Variants in ZNF469 observed in about 807,000 individuals in gnomAD.
The protein encoded by ZNF469 is zinc finger protein 469.
ZNF469 carries 1 observed loss-of-function variant against 1.0 expected under a neutral mutation model. The ratio of observed to expected loss-of-function variants is 1.00; its 90% confidence interval spans 0.35 to 4.73. The LOEUF is 4.73. ZNF469 is among the 30% of genes most tolerant of loss of function. The pLI, the probability that ZNF469 is intolerant of heterozygous loss-of-function variation, is 0.16. For missense variants in ZNF469, 6,100 were observed against 5,356.3 expected (o/e 1.14, Z -4.33); for synonymous variants, 2,703 against 2,363.4 (o/e 1.14, Z -4.17).
chr16:88,128,501 C>T, the ZNF469 span, among the ~76,000 whole-genome samples: 1 of 152,198 alleles, frequency 6.6e-6, no homozygotes. Context: ...TGGTTCAGAA[C>T]ACTTTACACT....
the ZNF469 span, among the ~76,000 whole-genome samples, chr16:88,125,533 A>T: frequency 6.6e-6 from 1 of 152,386 alleles, no homozygotes; most frequent in South Asian, 2.1e-4. Flanking sequence ...AAGGGTTGCC[A>T]TCTTAACTCT....
chr16:88,201,742 C>T, the ZNF469 span, among the ~76,000 whole-genome samples: 7 of 152,172 alleles, frequency 4.6e-5, no homozygotes, highest in African/African-American at 1.7e-4. This position sits in a 1 kb window ranked among gnomAD's most constrained non-coding sequence, Gnocchi z 5.0. Flanking sequence ...TCCTTACATG[C>T]CAGTGCCTGG....
chr16:88,432,177 C>T lies in ZNF469; in HGVS notation c.4707C>T (p.Thr1569=), dbSNP rs764771501. 36 of 1,550,196 alleles carry T rather than the reference C, an allele frequency of 2.3e-5. No individual in the cohort carries two copies. Among genetic ancestry groups the T allele is most frequent in the South Asian group, 2.4e-5 (2 of 84,066 alleles). The change falls in exon 3 of 3, where the codon ACC becomes ACT. Residue 1569 remains threonine, a synonymous_variant. Transcript: ENST00000565624. ...AACTGGAGATCCAGAAATTGGTCAC[C>T]GAATTAGAAAGTCAGCTGCAAAGGA... is the stretch of plus-strand genomic sequence containing the variant. ...EDELEIQKLV[T]ELESQLQRSK...
At chr16:88,139,579 C>T in the ZNF469 span, among the ~76,000 whole-genome samples, 1 of 150,784 alleles carries the variant, frequency 6.6e-6, no homozygotes, top group South Asian at 2.1e-4. Context: ...ACCTTTTTGT[C>T]CCCTGGCCTG....
chr16:88,223,472 G>A, the ZNF469 span, among the ~76,000 whole-genome samples: 2 of 152,208 alleles, frequency 1.3e-5, no homozygotes, highest in Admixed American at 1.3e-4. Context: ...CAGAGAGGCT[G>A]AGTAAACACC....
At chr16:88,165,116 C>T in the ZNF469 span, among the ~76,000 whole-genome samples, 3 of 152,238 alleles carry the variant, frequency 2.0e-5, no homozygotes, top group Admixed American at 6.5e-5. Context: ...TGTGCTCAAA[C>T]CAGAGTGGCC....
the ZNF469 span, among the ~76,000 whole-genome samples, chr16:88,349,147 C>A: frequency 2.0e-5 from 3 of 152,298 alleles, no homozygotes; most frequent in South Asian, 6.2e-4. Context: ...GCCACTCGTC[C>A]CCCCTCACCA....
At chr16:88,112,059 G>A in the ZNF469 span, among the ~76,000 whole-genome samples, 44,956 of 152,120 alleles carry the variant, frequency 0.3, 8,587 homozygotes, top group Middle Eastern at 0.46. Context: ...CGTTGTGTAC[G>A]TGTCACATTT....
the ZNF469 span, among the ~76,000 whole-genome samples, chr16:88,197,728 G>A: frequency 6.6e-6 from 1 of 152,190 alleles, no homozygotes; most frequent in East Asian, 1.9e-4. Flanking sequence ...TCATTCGCAG[G>A]CCCCCCCAGG....
chr16:88,216,630 T>C, the ZNF469 span, among the ~76,000 whole-genome samples: 1 of 152,256 alleles, frequency 6.6e-6, no homozygotes, highest in Non-Finnish European at 1.5e-5. Context: ...ATATCTGGTT[T>C]TGGAAGTCTT....
At chr16:88,301,159 TTTC>T in the ZNF469 span, among the ~76,000 whole-genome samples, 1 of 99,128 alleles carries the variant, frequency 1.0e-5, no homozygotes, top group African/African-American at 2.8e-5. Context: ...TGGCCACACT[TTTC>T]TTTTTTTTTT....
At chr16:88,239,667 G>GTATATATATA in the ZNF469 span, among the ~76,000 whole-genome samples, 2 of 28,204 alleles carry the variant, frequency 7.1e-5, no homozygotes, top group Non-Finnish European at 1.5e-4. Context: ...TTTTTTTTTT[G>GTATATATATA]TATATATATA....
the ZNF469 span, among the ~76,000 whole-genome samples, chr16:88,330,061 G>A: frequency 1.3e-5 from 2 of 152,268 alleles, no homozygotes; most frequent in African/African-American, 2.4e-5. Flanking sequence ...GCCAGGCATA[G>A]GCAAAGCCTC....
At chr16:88,233,713 G>A in the ZNF469 span, among the ~76,000 whole-genome samples, 1 of 152,250 alleles carries the variant, frequency 6.6e-6, no homozygotes, top group Non-Finnish European at 1.5e-5. Flanking sequence ...GCCGTGATGG[G>A]CTGGCCTGGC....
chr16:88,241,256 G>A, the ZNF469 span, among the ~76,000 whole-genome samples: 2 of 151,990 alleles, frequency 1.3e-5, no homozygotes, highest in Admixed American at 1.3e-4. This position sits in a 1 kb window ranked among gnomAD's most constrained non-coding sequence, Gnocchi z 4.8. Context: ...CTACTTAGGA[G>A]GTTGAGGCAG....
the ZNF469 span, among the ~76,000 whole-genome samples, chr16:88,164,345 T>C: frequency 6.6e-6 from 1 of 151,012 alleles, no homozygotes; most frequent in Non-Finnish European, 1.5e-5. Context: ...TGGGTGGATG[T>C]ATAAGTGGGT....
chr16:88,352,023 G>A, the ZNF469 span, among the ~76,000 whole-genome samples: 2 of 152,212 alleles, frequency 1.3e-5, no homozygotes, highest in Admixed American at 1.3e-4. Flanking sequence ...TGCAGGTGGT[G>A]CAGCCACAAC....
the ZNF469 span, among the ~76,000 whole-genome samples, chr16:88,168,017 G>C: frequency 2.0e-5 from 3 of 152,240 alleles, no homozygotes; most frequent in Middle Eastern, 3.2e-3. This position sits in a 1 kb window ranked among gnomAD's most constrained non-coding sequence, Gnocchi z 4.3. Context: ...CCCTCCACCC[G>C]CTTCGCGATG....
At chr16:88,138,052 C>G in the ZNF469 span, among the ~76,000 whole-genome samples, 1 of 152,170 alleles carries the variant, frequency 6.6e-6, no homozygotes, top group Non-Finnish European at 1.5e-5. Context: ...AAGGGAGTGC[C>G]CATCTCACTC....
Sources: gnomAD v4.1 joint callset for allele counts (sites outside exome capture counted in the v4.1 genomes callset) on GRCh38, gnomAD v4.1.1 for gene constraint, Gnocchi (gnomAD v3.1) non-coding constraint, MANE v1.5 for transcripts, NCBI Gene and HGNC (gene_info 2026-07-23, HGNC 2026-07-21) for gene names.